GOLM2: variants seen among roughly 807,000 people sequenced by gnomAD.
GOLM2 encodes the protein protein GOLM2.
In GOLM2, 26 loss-of-function variants were observed where a neutral mutation model predicts 55.9. That is an observed-to-expected ratio of 0.47 (90% CI 0.34 to 0.65). GOLM2 has a LOEUF of 0.65. GOLM2 is among the 30% of genes least tolerant of loss of function. GOLM2 has a pLI of 0.01. For missense variants in GOLM2, 486 were observed against 531.8 expected (o/e 0.91, Z 0.85); for synonymous variants, 165 against 194.6 (o/e 0.85, Z 1.27).
At chr15:44,326,481 AATTTAG>A (rs1254706249) in intron 2 of GOLM2, among the ~76,000 whole-genome samples, 1 of 151,770 alleles carries the variant, frequency 6.6e-6, no homozygotes, top group Non-Finnish European at 1.5e-5. Flanking sequence ...TCCACAATAA[AATTTAG>A]AAAGTGTAGA....
chr15:44,387,472 CT>C (rs2079454313), intron 8 of GOLM2: 1 of 152,108 alleles, frequency 6.6e-6, no homozygotes, highest in Admixed American at 6.6e-5. Flanking sequence ...ATAAATATGA[CT>C]GATTTTTGGC....
Position 44,403,040 on chromosome 15 carries a change from A to G in GOLM2, c.1226A>G (p.Glu409Gly). ...YNEEEDGDGG[E>G]EDVQDDEERE... Reference sequence around the variant, plus strand: ...GAGGAAGAAGATGGTGATGGTGGAGAGGAAGACGTCCAAGGTGAGCGTGGG... The same window carrying G: ...GAGGAAGAAGATGGTGATGGTGGAGGGGAAGACGTCCAAGGTGAGCGTGGG... The change falls in exon 9 of 10, where the codon GAG (glutamate) becomes GGG (glycine). Residue 409 changes from glutamate to glycine, a missense_variant. Physicochemically the swap from Glu to Gly is moderately conservative, Grantham distance 98 (BLOSUM62 -2). Transcript: ENST00000299957. 1 of 1,614,092 alleles carries G rather than the reference A, an allele frequency of 6.2e-7. No individual in the cohort carries two copies. The highest frequency in any genetic ancestry group is 8.5e-7 in the Non-Finnish European group (1 of 1,180,022).
chr15:44,297,783 C>G (rs2078767499), intron 1 of GOLM2, among the ~76,000 whole-genome samples: 1 of 150,618 alleles, frequency 6.6e-6, no homozygotes, highest in Non-Finnish European at 1.5e-5. Context: ...AGGATGGTCT[C>G]CATCTTGATC....
chr15:44,312,287 T>G (rs1369183064), intron 1 of GOLM2, among the ~76,000 whole-genome samples: 1 of 152,160 alleles, frequency 6.6e-6, no homozygotes, highest in Non-Finnish European at 1.5e-5. Flanking sequence ...AGTAACACGT[T>G]ACATATTATA....
intron 6 of GOLM2, among the ~76,000 whole-genome samples, chr15:44,345,217 C>T (rs1009588538): frequency 2.6e-5 from 4 of 152,014 alleles, no homozygotes; most frequent in African/African-American, 4.8e-5. Context: ...TCAAGCAATT[C>T]TCCTGCCTCA....
intron 6 of GOLM2, among the ~76,000 whole-genome samples, chr15:44,373,457 A>C (rs2079343174): frequency 7.9e-6 from 1 of 126,972 alleles, no homozygotes; most frequent in Non-Finnish European, 1.6e-5. Flanking sequence ...ACTCCGTCTC[A>C]AAAAAAAAAC....
At chr15:44,341,650 C>G (rs973023702) in intron 6 of GOLM2, among the ~76,000 whole-genome samples, 15 of 143,406 alleles carry the variant, frequency 1.0e-4, no homozygotes, top group African/African-American at 3.9e-4. Flanking sequence ...CTTCTGCTTT[C>G]TTAATAATAA....
At chr15:44,337,659 A>G (rs2141146206) in intron 4 of GOLM2, 104 bp from the exon 5 acceptor site, 1 of 755,128 alleles carries the variant, frequency 1.3e-6, no homozygotes, top group South Asian at 2.2e-5. Context: ...AACCCATGGT[A>G]TATGTTTTAC....
chr15:44,288,791 G>A lies in GOLM2; in HGVS notation c.-239G>A. 1.8e-6 allele frequency: 1 copy of A among 551,648 alleles called. No individual in the cohort carries two copies. Among genetic ancestry groups the A allele is most frequent in the Non-Finnish European group, 3.2e-6 (1 of 313,728 alleles). The allele number at this position is 551,648 out of a possible 1,614,324, so 34.2% of individuals were successfully genotyped here. A position where few individuals can be genotyped will look rare whatever the true frequency, so the allele number is the denominator to read the frequency against. ...GGGTTCTCCCGGTTCCCTTGGGCAGGTGCAGGGTCGGGTTCAAAGCCTCCG... is the reference window on the plus strand; with the variant it reads ...GGGTTCTCCCGGTTCCCTTGGGCAGATGCAGGGTCGGGTTCAAAGCCTCCG... On this transcript the variant is annotated 5_prime_UTR_variant, in exon 1 of 10. It adds an upstream start codon to the 5' untranslated region. Transcript: ENST00000299957.
chr15:44,399,765 C>T (rs936415736), intron 8 of GOLM2, among the ~76,000 whole-genome samples: 8 of 152,062 alleles, frequency 5.3e-5, no homozygotes, highest in East Asian at 3.9e-4. Flanking sequence ...GAGGCCGAGG[C>T]GGGCGGATCA....
Position 44,303,059 on chromosome 15 carries a change from C to T in GOLM2, c.327+13703C>T, listed in dbSNP as rs549813612. Among the ~76,000 whole-genome samples, 98 of 151,622 alleles carry T rather than the reference C, an allele frequency of 6.5e-4. 2 individuals carry two copies. The highest frequency in any genetic ancestry group is 5.3e-4 in the Admixed American group (8 of 15,200). On this transcript the variant is annotated intron_variant, in intron 1 of 9. Coordinates refer to ENST00000299957, the MANE Select transcript of GOLM2 (RefSeq NM_138423.4). Reference sequence around the variant, plus strand: ...CAGAGGTTGCAGTGAGTGGAGATCGCGCCACTGCACTCTAGCCTGGGCGAC... The same window carrying T: ...CAGAGGTTGCAGTGAGTGGAGATCGTGCCACTGCACTCTAGCCTGGGCGAC...
chr15:44,326,417 G>A (rs1015614683), intron 2 of GOLM2, among the ~76,000 whole-genome samples: 3 of 151,820 alleles, frequency 2.0e-5, no homozygotes, highest in African/African-American at 7.3e-5. Context: ...ATGTGTCTCA[G>A]CAGATGTTTA....
intron 6 of GOLM2, among the ~76,000 whole-genome samples, chr15:44,366,864 G>GA (rs984937405): frequency 1.3e-5 from 2 of 151,264 alleles, no homozygotes; most frequent in Non-Finnish European, 2.9e-5. Context: ...CCCTGTCAAA[G>GA]AAAAAAACAA....
intron 6 of GOLM2, among the ~76,000 whole-genome samples, chr15:44,377,874 T>TAA (rs529346172): frequency 1.3e-4 from 19 of 150,210 alleles, no homozygotes; most frequent in Non-Finnish European, 2.2e-4. Context: ...TGTACAGAAA[T>TAA]AAAAAAAAAC....
intron 1 of GOLM2, chr15:44,308,532 C>T (rs1567021808): frequency 6.6e-6 from 1 of 152,058 alleles, no homozygotes; most frequent in East Asian, 1.9e-4. Context: ...CGGTGGTGTA[C>T]AAGTATCTGT....
At chr15:44,391,294 C>T (rs563378802) in intron 8 of GOLM2, among the ~76,000 whole-genome samples, 34 of 151,924 alleles carry the variant, frequency 2.2e-4, no homozygotes, top group African/African-American at 7.7e-4. Flanking sequence ...GCGGGCAGAT[C>T]ACGAGGTCGG....
intron 8 of GOLM2, among the ~76,000 whole-genome samples, chr15:44,384,036 C>T (rs74964431): frequency 0.042 from 6,378 of 152,010 alleles, 241 homozygotes; most frequent in East Asian, 0.19. Flanking sequence ...CTTATATTGT[C>T]GTTCCTGATA....
intron 2 of GOLM2, among the ~76,000 whole-genome samples, chr15:44,328,379 G>A (rs1256987062): frequency 6.6e-6 from 1 of 152,158 alleles, no homozygotes; most frequent in African/African-American, 2.4e-5. Context: ...CTGGGAGGTT[G>A]AGGTGAGAGA....
intron 1 of GOLM2, among the ~76,000 whole-genome samples, chr15:44,317,096 A>G (rs543585741): frequency 1.3e-5 from 2 of 152,336 alleles, no homozygotes; most frequent in African/African-American, 4.8e-5. Context: ...TCACAGCCTA[A>G]TATTTAAGAA....
Sources: allele counts gnomAD v4.1 joint callset (sites outside exome capture counted in the v4.1 genomes callset), GRCh38; gene constraint gnomAD v4.1.1; transcripts MANE v1.5; gene names NCBI Gene and HGNC (gene_info 2026-07-23, HGNC 2026-07-21).